Variants in MYBBP1A observed in about 807,000 individuals in gnomAD.
MYBBP1A encodes the protein myb-binding protein 1A.
A neutral mutation model predicts 136.3 loss-of-function variants in MYBBP1A; 147 were observed. The observed-to-expected ratio is 1.08, with a 90% CI of 0.94 to 1.24. The LOEUF (loss-of-function observed/expected upper bound fraction) is 1.24, where lower values mean the gene tolerates loss of function less well. Ranked by LOEUF, MYBBP1A falls within the 50% of genes most tolerant of loss-of-function variation. The pLI, the probability that MYBBP1A is intolerant of heterozygous loss-of-function variation, is 0.00. For missense variants in MYBBP1A, 2,060 were observed against 1,727.4 expected (o/e 1.19, Z -3.41); for synonymous variants, 947 against 735.8 (o/e 1.29, Z -4.65).
At position 4,541,863 on chromosome 17, in the gene MYBBP1A, G is replaced by C. The variant is rs776347513; in HGVS notation, c.3116C>G (p.Ser1039Cys). ...AAAGCACGACCTCACCTCCCGCATG[G>C]ACAGGGTCTTCTGGAGCAGCAGGCA... is the stretch of plus-strand genomic sequence containing the variant. The part of the protein sequence containing the change: ...QACLLLQKTL[S>C]MREVRSCFED... Residue 1039 changes from serine (S) to cysteine (C), a missense_variant, in exon 23 of 26, where the codon TCC becomes TGC. Transcript: ENST00000254718. The C allele has an allele frequency of 8.1e-6, 13 of 1,613,858 alleles. 1 individual carries two copies. In the South Asian group the frequency reaches 1.2e-4, roughly 15 times the overall value.
At position 4,542,463 on chromosome 17, in the gene MYBBP1A, C is replaced by G; in HGVS notation, c.3087+1G>C. ...GGGCTGGGAGCTGGGAAGTCTCTCA[C>G]CTGATGACGGGGCCGCACCGGGCCC... On this transcript the variant is annotated splice_donor_variant, in intron 22 of 25. Transcript: ENST00000254718. LOFTEE classifies it high-confidence loss of function. The G allele has an allele frequency of 6.2e-7, 1 of 1,606,796 alleles. No homozygotes were observed. Among genetic ancestry groups the G allele is most frequent in the Non-Finnish European group, 8.5e-7 (1 of 1,175,676 alleles).
Position 4,539,512 on chromosome 17 carries a change from C to T in MYBBP1A, c.3890G>A (p.Arg1297Gln), listed in dbSNP as rs768330169. ...GACCAAAGACAGCCTTGCCTTTTTC[C>T]GTGCCAGCGCGGACAGTGGTGATTT... The part of the protein sequence containing the change: ...LGKSPLSALA[R>Q]KKARLSLVIR... The change falls in exon 26 of 26, where the codon CGG becomes CAG. Residue 1297 changes from arginine to glutamine, a missense_variant. By Grantham distance (43) the Arg-to-Gln change is conservative. Coordinates refer to ENST00000254718, the MANE Select transcript of MYBBP1A (RefSeq NM_014520.4). 56 of 1,614,004 alleles carry T rather than the reference C, an allele frequency of 3.5e-5. No individual in the cohort carries two copies. The highest frequency in any genetic ancestry group is 2.7e-4 in the Admixed American group (16 of 59,996).
At chr17:4,555,005 C>A (rs1221492853) in intron 1 of MYBBP1A, 49 bp from the exon 2 acceptor site, 14 of 1,604,052 alleles carry the variant, frequency 8.7e-6, no homozygotes, top group African/African-American at 2.7e-5. Flanking sequence ...ACAAGGTGCA[C>A]GCCCCCGCGC....
chr17:4,543,334 A>G, intron 19 of MYBBP1A, 169 bp from the exon 20 acceptor site: 1 of 889,986 alleles, frequency 1.1e-6, no homozygotes, highest in Non-Finnish European at 1.7e-6. Context: ...GCTGCCTGGA[A>G]GCTGTGTGGG....
At position 4,541,544 on chromosome 17, in the gene MYBBP1A, C is replaced by G. The variant is rs1567603515; in HGVS notation, c.3216G>C (p.Glu1072Asp). The G allele has an allele frequency of 2.5e-6, 4 of 1,613,056 alleles. No individual in the cohort carries two copies. ...GCTGATGCTGCGCCTTGGTCTGCGCCTCCCCCAGCACGCGCAAGTTCTAGG... is the reference window on the plus strand; with the variant it reads ...GCTGATGCTGCGCCTTGGTCTGCGCGTCCCCCAGCACGCGCAAGTTCTAGG... The part of the protein sequence containing the change: ...KVTENLRVLG[E>D]AQTKAQHQQA... Residue 1072 changes from glutamate (E) to aspartate (D), a missense_variant, in exon 24 of 26, where the codon GAG (glutamate) becomes GAC (aspartate). By Grantham distance (45) the Glu-to-Asp change is conservative. Transcript: ENST00000254718.
At chr17:4,550,668 T>C (rs1907432608) in intron 8 of MYBBP1A, among the ~76,000 whole-genome samples, 1 of 152,252 alleles carries the variant, frequency 6.6e-6, no homozygotes, top group Non-Finnish European at 1.5e-5. Context: ...CTTTCCGCCT[T>C]GCTGGATGGG....
chr17:4,555,338 A>C lies in MYBBP1A; in HGVS notation c.-14T>G, dbSNP rs1597392559. On this transcript the variant is annotated 5_prime_UTR_variant, in exon 1 of 26. Transcript: ENST00000254718. ...CCGGCTCTCCATCTCCGCCACACTC[A>C]CCGAAACACGAAACACGTGTGCTCC... is the stretch of plus-strand genomic sequence containing the variant. 7 of 1,587,044 alleles carry C rather than the reference A, an allele frequency of 4.4e-6. No homozygotes were observed. The highest frequency in any genetic ancestry group is 6.0e-6 in the Non-Finnish European group (7 of 1,167,928).
chr17:4,544,707 CGCACAGGGAGGCGGGGGTGGGT>C (rs771070901), intron 18 of MYBBP1A, 22 bp downstream of exon 18: 65 of 1,445,768 alleles, frequency 4.5e-5, no homozygotes, highest in Non-Finnish European at 5.3e-5. Context: ...CGGGGGTGGG[CGCACAGGGAGGCGGGGGTGGGT>C]GCGGCCCGCC....
At chr17:4,546,942 T>C in intron 13 of MYBBP1A, among the ~76,000 whole-genome samples, 1 of 150,694 alleles carries the variant, frequency 6.6e-6, no homozygotes, top group Admixed American at 6.6e-5. Context: ...GACAGAATCT[T>C]GTTCTGTTGC....
In MYBBP1A at chr17:4,554,073, G is replaced by A; in HGVS notation, c.399C>T (p.Leu133=). ...QVKKAMLRPA[L]FANLFGVLAL... is the part of the protein sequence containing the mutation. ...CGAGCACTCCAAACAGGTTTGCAAA[G>A]AGAGCAGGTCTCAGCATTGCCTAGA... is the stretch of plus-strand genomic sequence containing the variant. Residue 133 remains leucine (L), a synonymous_variant, in exon 4 of 26, where the codon CTC becomes CTT. Transcript: ENST00000254718. 5.0e-6 allele frequency: 8 copies of A among 1,614,044 alleles called. No homozygotes were observed. In the South Asian group the frequency reaches 7.7e-5, roughly 16 times the overall value.
At chr17:4,544,447 G>A (rs763880463) in intron 19 of MYBBP1A, 42 bp downstream of exon 19, 1 of 1,540,396 alleles carries the variant, frequency 6.5e-7, no homozygotes, top group South Asian at 1.2e-5. Context: ...TGCGCCTGGG[G>A]GCTGCCGGCC....
In MYBBP1A at chr17:4,541,783, C is replaced by A; in HGVS notation, c.3195+1G>T. 6.2e-7 allele frequency: 1 copy of A among 1,613,724 alleles called. No homozygotes were observed. The highest frequency in any genetic ancestry group is 8.5e-7 in the Non-Finnish European group (1 of 1,179,712). ...GGGAAAGGGCGCCCCCCGGCTGTTA[C>A]CTCGGTGACCTTTGCTAGGACCTGG... On this transcript the variant is annotated splice_donor_variant, in intron 23 of 25. Transcript: ENST00000254718. LOFTEE classifies it high-confidence loss of function.
At position 4,552,514 on chromosome 17, in the gene MYBBP1A, A is replaced by AC; in HGVS notation, c.673dup (p.Val225GlyfsTer18). The AC allele has an allele frequency of 6.2e-7, 1 of 1,613,876 alleles. No individual in the cohort carries two copies. Among genetic ancestry groups the AC allele is most frequent in the Non-Finnish European group, 8.5e-7 (1 of 1,180,020 alleles). ...CACCAGCTTCTTGAGCTTGGAGGGC[A>AC]CCTTCTGCTGGGCCAGGAGGAAGAG... On this transcript the variant is annotated frameshift_variant, in exon 6 of 26. Coordinates refer to ENST00000254718, the MANE Select transcript of MYBBP1A (RefSeq NM_014520.4). LOFTEE classifies it high-confidence loss of function. This position sits in a 1 kb window ranked among gnomAD's most constrained non-coding sequence, Gnocchi z 4.7.
At chr17:4,544,371 G>T in intron 19 of MYBBP1A, 118 bp downstream of exon 19, 1 of 1,351,512 alleles carries the variant, frequency 7.4e-7, no homozygotes, top group Admixed American at 2.2e-5. Context: ...GCGAGCTAGG[G>T]GCCCAGGCTG....
chr17:4,548,452 G>A lies in MYBBP1A; in HGVS notation c.1556+72C>T. On this transcript the variant is annotated intron_variant, in intron 11 of 25. Transcript: ENST00000254718. This position sits in a 1 kb window ranked among gnomAD's most constrained non-coding sequence, Gnocchi z 4.2. The stretch of plus-strand genomic sequence containing the variant: ...GCCTCTGCCGTTGTTCCCAGCTTAG[G>A]GGACCTGGAGGGAGCAGGCGCCCTC... 6.2e-6 allele frequency: 10 copies of A among 1,610,744 alleles called. No individual in the cohort carries two copies. Among genetic ancestry groups the A allele is most frequent in the Non-Finnish European group, 8.5e-6 (10 of 1,178,430 alleles).
chr17:4,540,025 C>T (rs548731813), intron 25 of MYBBP1A, 58 bp from the exon 26 acceptor site: 21 of 1,539,146 alleles, frequency 1.4e-5, no homozygotes, highest in African/African-American at 9.5e-5. Flanking sequence ...CCACCGCCAC[C>T]GCGACTGCTA....
chr17:4,554,268 G>C lies in MYBBP1A; in HGVS notation c.305C>G (p.Ser102Cys). 1 of 1,613,988 alleles carries C rather than the reference G, an allele frequency of 6.2e-7. No homozygotes were observed. The change falls in exon 3 of 26, where the codon TCT becomes TGT. Residue 102 changes from serine (S) to cysteine (C), a missense_variant. Physicochemically the swap from Ser to Cys is moderately radical, Grantham distance 112 (BLOSUM62 -1). Transcript: ENST00000254718. ...GCTGCACAAGGGGAGGTCTTCAAAAGACTGTAACAGCTGCCAGGAGTTGTG... is the reference window on the plus strand; with the variant it reads ...GCTGCACAAGGGGAGGTCTTCAAAACACTGTAACAGCTGCCAGGAGTTGTG... ...YSLALAQLLQ[S>C]FEDLPLCSIL...
rs1265451731 is a variant in MYBBP1A at position 4,545,176 on chromosome 17, C to T, written c.2161-1G>A. ...TGTCCTCACCTTCCTCGCTCTTGTC[C>T]TGTGTGGTAGAGGCAGGCGCGTCAC... On this transcript the variant is annotated splice_acceptor_variant, in intron 16 of 25. Coordinates refer to ENST00000254718, the MANE Select transcript of MYBBP1A (RefSeq NM_014520.4). LOFTEE classifies it high-confidence loss of function. 1 of 1,613,452 alleles carries T rather than the reference C, an allele frequency of 6.2e-7. No individual in the cohort carries two copies. Among genetic ancestry groups the T allele is most frequent in the Non-Finnish European group, 8.5e-7 (1 of 1,179,950 alleles).
chr17:4,545,911 T>C lies in MYBBP1A; in HGVS notation c.1856A>G (p.Asp619Gly). 1.2e-6 allele frequency: 2 copies of C among 1,613,318 alleles called. No homozygotes were observed. Among genetic ancestry groups the C allele is most frequent in the Non-Finnish European group, 1.7e-6 (2 of 1,179,984 alleles). ...ACTTTTCCTGATGCAGGTCTGGATG[T>C]CACCCAGCAGGTCACAGCTCTCTGC... is the stretch of plus-strand genomic sequence containing the variant. ...SPAESCDLLG[D>G]IQTCIRKSLG... Residue 619 changes from aspartate to glycine, a missense_variant, in exon 14 of 26, where the codon GAC becomes GGC. Coordinates refer to ENST00000254718, the MANE Select transcript of MYBBP1A (RefSeq NM_014520.4).
Sources: gnomAD v4.1 joint callset for allele counts (sites outside exome capture counted in the v4.1 genomes callset) on GRCh38, gnomAD v4.1.1 for gene constraint, Gnocchi (gnomAD v3.1) non-coding constraint, MANE v1.5 for transcripts, NCBI Gene and HGNC (gene_info 2026-07-23, HGNC 2026-07-21) for gene names.